The following CPT1A variants were observed in gnomAD, a reference collection of about 807,000 sequenced individuals.
CPT1A encodes carnitine palmitoyltransferase 1A.
Under a neutral mutation model 100.8 loss-of-function variants are expected in CPT1A, and 64 were observed. That is an observed-to-expected ratio of 0.63 (90% CI 0.52 to 0.78). CPT1A has a LOEUF of 0.78. Ranked by LOEUF, CPT1A falls within the 30% of genes least tolerant of loss-of-function variation. CPT1A has a pLI of 0.00. For missense variants in CPT1A, 802 were observed against 1,034.1 expected (o/e 0.78, Z 3.08); for synonymous variants, 363 against 396.0 (o/e 0.92, Z 0.99).
chr11:68,781,480 C>T (rs1436967464), intron 11 of CPT1A, among the ~76,000 whole-genome samples: 9 of 151,992 alleles, frequency 5.9e-5, no homozygotes, highest in Non-Finnish European at 1.0e-4. Flanking sequence ...ATTAGCCAGG[C>T]GTGGTGGCAC....
intron 12 of CPT1A, among the ~76,000 whole-genome samples, chr11:68,778,988 G>T (rs1210292461): frequency 1.3e-5 from 2 of 151,952 alleles, no homozygotes; most frequent in South Asian, 4.1e-4. Context: ...GTTTCACCGT[G>T]TTAGCCAGGA....
At chr11:68,839,440 G>A (rs925138580) in intron 1 of CPT1A, 5 of 912,494 alleles carry the variant, frequency 5.5e-6, no homozygotes, top group Admixed American at 1.2e-4. Context: ...AGGCTGGCGC[G>A]TCCCAGGCGC....
At chr11:68,832,895 G>A (rs1856914795) in intron 1 of CPT1A, among the ~76,000 whole-genome samples, 1 of 152,252 alleles carries the variant, frequency 6.6e-6, no homozygotes. Flanking sequence ...GAGAAAGTGT[G>A]AGGCTGGATG....
intron 9 of CPT1A, among the ~76,000 whole-genome samples, chr11:68,785,465 G>A (rs557116709): frequency 6.6e-6 from 1 of 151,456 alleles, no homozygotes; most frequent in South Asian, 2.1e-4. Flanking sequence ...GGAGGCTGAG[G>A]CAGGAGAATC....
At chr11:68,830,065 C>T (rs1856840242) in intron 1 of CPT1A, among the ~76,000 whole-genome samples, 1 of 152,076 alleles carries the variant, frequency 6.6e-6, no homozygotes, top group East Asian at 1.9e-4. Flanking sequence ...TTGCTTGAGT[C>T]CAGGAGTTCA....
chr11:68,839,366 C>A (rs1416093182), intron 1 of CPT1A, among the ~76,000 whole-genome samples: 3 of 152,206 alleles, frequency 2.0e-5, no homozygotes, highest in Admixed American at 1.3e-4. Flanking sequence ...TTCCCCCAAG[C>A]CCCGGGCGGC....
intron 10 of CPT1A, among the ~76,000 whole-genome samples, chr11:68,783,472 C>T (rs1855370186): frequency 6.6e-6 from 1 of 152,200 alleles, no homozygotes; most frequent in African/African-American, 2.4e-5. Context: ...TCCTGGTCTG[C>T]TCCCACCCTC....
At position 68,789,733 on chromosome 11, in the gene CPT1A, T is replaced by C. The variant is rs192493616; in HGVS notation, c.967+3582A>G. Among the ~76,000 whole-genome samples the C allele has an allele frequency of 8.7e-4, 133 of 152,292 alleles. No individual in the cohort carries two copies. The East Asian group carries it at 0.016, about 18-fold the overall frequency. On this transcript the variant is annotated intron_variant, in intron 9 of 18. Transcript: ENST00000265641. ...TTTACATTTCTTTCATTCCCAGTGA[T>C]GTTGAATGCTTTTCTATAACTCCTT...
intron 1 of CPT1A, among the ~76,000 whole-genome samples, chr11:68,823,249 C>CA (rs991956223): frequency 2.6e-5 from 4 of 151,020 alleles, no homozygotes; most frequent in South Asian, 2.1e-4. Flanking sequence ...GACCCTGTCT[C>CA]AAAAAAAACC....
chr11:68,815,916 C>T (rs1856375906), intron 1 of CPT1A, among the ~76,000 whole-genome samples: 1 of 150,206 alleles, frequency 6.7e-6, no homozygotes, highest in African/African-American at 2.5e-5. Context: ...AGCCAGCATC[C>T]AGGCCCGTGG....
intron 1 of CPT1A, among the ~76,000 whole-genome samples, chr11:68,830,337 T>A (rs11228374): frequency 0.31 from 46,954 of 151,956 alleles, 7,691 homozygotes; most frequent in South Asian, 0.49. Flanking sequence ...ATCGCCCACC[T>A]GGAGCCCACC....
chr11:68,797,130 T>C (rs1365314946), intron 6 of CPT1A, among the ~76,000 whole-genome samples, 197 bp from the exon 7 acceptor site: 2 of 152,184 alleles, frequency 1.3e-5, no homozygotes, highest in African/African-American at 2.4e-5. Flanking sequence ...AAAAGTGTTC[T>C]TTTTAAGTTG....
chr11:68,801,941 A>G lies in CPT1A; in HGVS notation c.555+2059T>C, dbSNP rs377397433. On this transcript the variant is annotated intron_variant, in intron 5 of 18. Transcript: ENST00000265641. ...TGGATAAACTGTGGTCCTTCCATAC[A>G]ATGGAACACTATTCAGCCACAAAAA... 3.5e-4 allele frequency among the ~76,000 whole-genome samples: 53 copies of G among 152,250 alleles called. 1 individual carries two copies. The highest frequency in any genetic ancestry group is 1.3e-3 in the African/African-American group (52 of 41,550).
chr11:68,832,211 G>C (rs1230076760), intron 1 of CPT1A, among the ~76,000 whole-genome samples: 3 of 152,184 alleles, frequency 2.0e-5, no homozygotes, highest in African/African-American at 4.8e-5. Context: ...CACTTTGGCA[G>C]GCCAAGGCGG....
At chr11:68,779,042 C>T (rs1404185102) in intron 12 of CPT1A, among the ~76,000 whole-genome samples, 2 of 152,088 alleles carry the variant, frequency 1.3e-5, no homozygotes, top group Admixed American at 6.5e-5. Context: ...CCTCGGCCTC[C>T]CAAAGGGCTG....
At chr11:68,776,543 G>A (rs755873919) in intron 12 of CPT1A, among the ~76,000 whole-genome samples, 2 of 152,180 alleles carry the variant, frequency 1.3e-5, no homozygotes, top group African/African-American at 2.4e-5. Flanking sequence ...AGGAACCTGG[G>A]GGAGAAAGGA....
At chr11:68,831,637 CTT>C (rs11372679) in intron 1 of CPT1A, among the ~76,000 whole-genome samples, 9 of 142,872 alleles carry the variant, frequency 6.3e-5, no homozygotes, top group Non-Finnish European at 6.1e-5. Context: ...CAGCACATTC[CTT>C]TTTTTTTTTT....
chr11:68,757,790 G>A, intron 18 of CPT1A, 60 bp from the exon 19 acceptor site: 1 of 1,413,546 alleles, frequency 7.1e-7, no homozygotes, highest in Non-Finnish European at 1.0e-6. Flanking sequence ...CACATTTCAA[G>A]CTTTTTCATT....
chr11:68,767,702 C>T (rs1854848590), intron 14 of CPT1A, among the ~76,000 whole-genome samples: 1 of 152,144 alleles, frequency 6.6e-6, no homozygotes. Flanking sequence ...ATTCACTCTG[C>T]CGAAAGGAAA....
Sources: gnomAD v4.1 joint callset for allele counts (sites outside exome capture counted in the v4.1 genomes callset) on GRCh38, gnomAD v4.1.1 for gene constraint, MANE v1.5 for transcripts, NCBI Gene and HGNC (gene_info 2026-07-23, HGNC 2026-07-21) for gene names.